The following XKR9 variants were observed in gnomAD, a reference collection of about 807,000 sequenced individuals.
XKR9 encodes XK-related protein 9.
Under a neutral mutation model 32.0 loss-of-function variants are expected in XKR9, and 32 were observed. The ratio of observed to expected loss-of-function variants is 1.00; its 90% confidence interval spans 0.76 to 1.34. XKR9 has a LOEUF of 1.34. Among genes scored for constraint, XKR9 ranks in the 40% most tolerant of loss-of-function variants. The pLI, the probability that XKR9 is intolerant of heterozygous loss-of-function variation, is 0.00. For missense variants in XKR9, 546 were observed against 429.7 expected, an observed-to-expected ratio of 1.27 and a Z score of -2.39; for synonymous variants, 168 against 143.4, an observed-to-expected ratio of 1.17 and a Z score of -1.22.
intron 2 of XKR9, among the ~76,000 whole-genome samples, chr8:70,788,282 T>A (rs768980830): frequency 2.6e-5 from 4 of 152,112 alleles, no homozygotes; most frequent in Middle Eastern, 3.2e-3. Flanking sequence ...TGTTAGTTGT[T>A]AGCTCATAAG....
the XKR9 span, among the ~76,000 whole-genome samples, chr8:71,002,867 G>C: frequency 1.3e-5 from 2 of 152,220 alleles, no homozygotes; most frequent in Non-Finnish European, 2.9e-5. Context: ...CTCCTCCCTG[G>C]ACAGCAGGAG....
At chr8:70,752,658 T>C (rs371015040) in intron 2 of XKR9, among the ~76,000 whole-genome samples, 5 of 152,264 alleles carry the variant, frequency 3.3e-5, no homozygotes, top group East Asian at 3.9e-4. Flanking sequence ...GGACAAACCA[T>C]AGCAAAGTCC....
At chr8:71,029,185 T>A in the XKR9 span, among the ~76,000 whole-genome samples, 1 of 151,592 alleles carries the variant, frequency 6.6e-6, no homozygotes, top group South Asian at 2.1e-4. Flanking sequence ...AGCATTTCTT[T>A]AAAAAAAAAT....
chr8:71,057,778 G>T, the XKR9 span, among the ~76,000 whole-genome samples: 1 of 130,812 alleles, frequency 7.6e-6, no homozygotes, highest in Non-Finnish European at 1.8e-5. Context: ...TCACCAAGCT[G>T]CCCTTTAAAT....
At chr8:70,697,051 C>T (rs1266587815) in intron 3 of XKR9, among the ~76,000 whole-genome samples, 61 of 151,546 alleles carry the variant, frequency 4.0e-4, no homozygotes, top group African/African-American at 1.1e-3. Flanking sequence ...GAGACTTTGC[C>T]GAAGTTGCTT....
chr8:71,019,140 CT>C, the XKR9 span, among the ~76,000 whole-genome samples: 54 of 148,518 alleles, frequency 3.6e-4, no homozygotes, highest in East Asian at 7.8e-4. Flanking sequence ...TTTCCTTCTC[CT>C]TTTTTTTTTA....
chr8:71,043,025 GAGC>G, the XKR9 span, among the ~76,000 whole-genome samples: 1 of 152,190 alleles, frequency 6.6e-6, no homozygotes, highest in African/African-American at 2.4e-5. Context: ...AGCTACTTCA[GAGC>G]AGCTGTTTAG....
chr8:70,843,782 G>T, the XKR9 span, among the ~76,000 whole-genome samples: 1 of 152,122 alleles, frequency 6.6e-6, no homozygotes, highest in Admixed American at 6.5e-5. Context: ...ACTGTGCAAT[G>T]GCATTGCTCC....
chr8:70,857,676 A>G, the XKR9 span, among the ~76,000 whole-genome samples: 1 of 152,220 alleles, frequency 6.6e-6, no homozygotes, highest in Non-Finnish European at 1.5e-5. Context: ...AGAGAATTTT[A>G]GACCAATATC....
At chr8:70,881,856 G>C in the XKR9 span, among the ~76,000 whole-genome samples, 1 of 152,166 alleles carries the variant, frequency 6.6e-6, no homozygotes, top group African/African-American at 2.4e-5. Context: ...CAAAGACTTG[G>C]AACCAACCCA....
At chr8:70,859,403 CTA>C in the XKR9 span, among the ~76,000 whole-genome samples, 2 of 152,032 alleles carry the variant, frequency 1.3e-5, no homozygotes, top group Non-Finnish European at 2.9e-5. Flanking sequence ...CCCTTATACA[CTA>C]TTGGTGGGAA....
chr8:70,714,977 A>G (rs1364822453), intron 4 of XKR9, among the ~76,000 whole-genome samples: 1 of 152,184 alleles, frequency 6.6e-6, no homozygotes, highest in Non-Finnish European at 1.5e-5. Context: ...TGTAGAGGTT[A>G]GGGCAGCAAT....
At chr8:70,743,983 G>T (rs1807023087) in intron 2 of XKR9, among the ~76,000 whole-genome samples, 1 of 151,982 alleles carries the variant, frequency 6.6e-6, no homozygotes, top group East Asian at 1.9e-4. Flanking sequence ...GATTTGTGCA[G>T]TAAGAGATAT....
the XKR9 span, among the ~76,000 whole-genome samples, chr8:71,050,298 T>TATATAGATATAG: frequency 7.5e-5 from 7 of 92,792 alleles, no homozygotes; most frequent in African/African-American, 2.6e-4. Flanking sequence ...TATAGATATA[T>TATATAGATATAG]ATATAGATAT....
chr8:70,912,799 AG>A, the XKR9 span, among the ~76,000 whole-genome samples: 1 of 152,066 alleles, frequency 6.6e-6, no homozygotes, highest in African/African-American at 2.4e-5. Flanking sequence ...CAAGAAGAAG[AG>A]GTAGGTAGTG....
At chr8:70,877,923 A>G in the XKR9 span, among the ~76,000 whole-genome samples, 2 of 152,214 alleles carry the variant, frequency 1.3e-5, no homozygotes, top group Admixed American at 1.3e-4. Context: ...AGGTCGAGTT[A>G]CTCACAAAGG....
chr8:70,723,736 A>T (rs1402366711), intron 4 of XKR9, among the ~76,000 whole-genome samples: 2 of 152,054 alleles, frequency 1.3e-5, no homozygotes, highest in Non-Finnish European at 2.9e-5. Context: ...GCTCTACTGT[A>T]TGAGGTGTCT....
chr8:70,774,867 C>G (rs1807498533), intron 2 of XKR9, among the ~76,000 whole-genome samples: 2 of 152,010 alleles, frequency 1.3e-5, no homozygotes, highest in South Asian at 2.1e-4. Flanking sequence ...TGTTATATGT[C>G]TCTTTTATTT....
chr8:70,931,018 G>A, the XKR9 span, among the ~76,000 whole-genome samples: 266 of 152,190 alleles, frequency 1.7e-3, 1 homozygote, highest in African/African-American at 6.0e-3. Flanking sequence ...TGGGCAAATT[G>A]TTAATTACTC....
Sources: gnomAD v4.1 joint callset for allele counts (sites outside exome capture counted in the v4.1 genomes callset) on GRCh38, gnomAD v4.1.1 for gene constraint, MANE v1.5 for transcripts, NCBI Gene and HGNC (gene_info 2026-07-23, HGNC 2026-07-21) for gene names.